Variants in EBF2 observed in about 807,000 individuals in gnomAD.
EBF2 encodes the protein transcription factor COE2.
In EBF2, 21 loss-of-function variants were observed where a neutral mutation model predicts 72.8. The ratio of observed to expected loss-of-function variants is 0.29; its 90% CI spans 0.20 to 0.42. The LOEUF (loss-of-function observed/expected upper bound fraction) is 0.42, where lower values mean the gene tolerates loss of function less well. Ranked by LOEUF, EBF2 falls within the 10% of genes least tolerant of loss-of-function variation. EBF2 has a pLI of 1.00. For synonymous variants in EBF2, 299 were observed against 274.2 expected (o/e 1.09, Z -0.89); for missense variants, 637 against 731.2 (o/e 0.87, Z 1.49).
rs199569844 is a variant in EBF2, at chr8:25,850,754, T to C, written c.1536A>G (p.Ser512=). ...TGGAAGACCCAACGGTGGGACTTGA[T>C]GACATGACTGGAAAGCAAATGCACA... ...SPTGSPYGIM[S]SSPTVGSSST... is the part of the protein sequence containing the mutation. The change falls in exon 15 of 16, where the codon TCA becomes TCG. Residue 512 remains serine (S), a synonymous_variant. Coordinates refer to ENST00000520164, the MANE Select transcript of EBF2 (RefSeq NM_022659.4). 9.5e-4 allele frequency: 1,477 copies of C among 1,557,482 alleles called. 6 individuals carry two copies. The highest frequency in any genetic ancestry group is 7.4e-4 in the Non-Finnish European group (857 of 1,159,760).
At chr8:26,031,762 T>G (rs1805410271) in intron 6 of EBF2, 1 of 152,158 alleles carries the variant, frequency 6.6e-6, no homozygotes, top group South Asian at 2.1e-4. Context: ...TGTGTTCTAA[T>G]GCCAGCTCTG....
chr8:26,016,867 G>C (rs886205048), intron 6 of EBF2, among the ~76,000 whole-genome samples: 29 of 152,216 alleles, frequency 1.9e-4, no homozygotes, highest in Non-Finnish European at 5.9e-5. Context: ...ATGAGTTTTA[G>C]ACAAGATGTC....
intron 6 of EBF2, among the ~76,000 whole-genome samples, chr8:26,013,181 A>G (rs190535988): frequency 1.3e-5 from 2 of 152,328 alleles, no homozygotes; most frequent in East Asian, 3.9e-4. Flanking sequence ...TGAAATATAC[A>G]GTTCCAGTTA....
chr8:25,987,993 A>T (rs1373082307), intron 6 of EBF2, among the ~76,000 whole-genome samples: 2 of 152,186 alleles, frequency 1.3e-5, no homozygotes, highest in Non-Finnish European at 2.9e-5. Context: ...TTTTCATAAC[A>T]TAGGTGCATT....
intron 6 of EBF2, among the ~76,000 whole-genome samples, chr8:25,997,782 A>G (rs1437480683): frequency 6.6e-6 from 1 of 152,136 alleles, no homozygotes; most frequent in Non-Finnish European, 1.5e-5. Flanking sequence ...CTATGGGGCA[A>G]TCCCATAGAA....
chr8:25,858,637 C>T (rs971572824), intron 13 of EBF2, 133 bp from the exon 14 acceptor site: 6 of 484,042 alleles, frequency 1.2e-5, no homozygotes, highest in East Asian at 4.0e-5. Context: ...AGGAAGTGTG[C>T]AGTCCATCTT....
At chr8:25,848,901 T>TG (rs1364093661) in intron 15 of EBF2, among the ~76,000 whole-genome samples, 1 of 152,122 alleles carries the variant, frequency 6.6e-6, no homozygotes, top group African/African-American at 2.4e-5. Flanking sequence ...ACATCAACAC[T>TG]GAAGAGGTCA....
chr8:25,953,524 C>T (rs79363941), intron 6 of EBF2, among the ~76,000 whole-genome samples: 6,295 of 152,246 alleles, frequency 0.041, 194 homozygotes, highest in Middle Eastern at 0.12. Context: ...GTGGTGGAAC[C>T]CATTTCCATT....
At chr8:25,871,191 T>A (rs1348652100) in intron 10 of EBF2, among the ~76,000 whole-genome samples, 2 of 152,038 alleles carry the variant, frequency 1.3e-5, no homozygotes, top group African/African-American at 4.8e-5. Flanking sequence ...TCCCTGGGCG[T>A]TCTCTGGCTT....
At chr8:25,921,323 T>C (rs1803303200) in intron 6 of EBF2, among the ~76,000 whole-genome samples, 1 of 152,202 alleles carries the variant, frequency 6.6e-6, no homozygotes, top group Non-Finnish European at 1.5e-5. Flanking sequence ...CTTTCTTTTT[T>C]TTTCCTTAAA....
At chr8:25,981,566 G>A (rs541993015) in intron 6 of EBF2, among the ~76,000 whole-genome samples, 34 of 152,194 alleles carry the variant, frequency 2.2e-4, no homozygotes, top group African/African-American at 7.7e-4. Context: ...TTGGGAAACC[G>A]AGGTGGATCA....
At chr8:26,041,310 C>T (rs558726588) in intron 2 of EBF2, 1 of 434,750 alleles carries the variant, frequency 2.3e-6, no homozygotes, top group African/African-American at 2.0e-5. Flanking sequence ...TAAACAGGCA[C>T]CACCCAACCC....
intron 6 of EBF2, among the ~76,000 whole-genome samples, chr8:25,944,158 T>C (rs565094709): frequency 6.6e-5 from 10 of 152,316 alleles, no homozygotes; most frequent in South Asian, 4.1e-4. Flanking sequence ...AGAAAAAGCA[T>C]AGGGCAGGGT....
intron 6 of EBF2, among the ~76,000 whole-genome samples, chr8:25,956,110 C>A (rs960648449): frequency 2.0e-5 from 3 of 151,468 alleles, no homozygotes; most frequent in Non-Finnish European, 4.4e-5. Context: ...GGAGGGAGAG[C>A]ATTATTCCTT....
At chr8:25,888,247 C>T (rs572791368) in intron 8 of EBF2, among the ~76,000 whole-genome samples, 2 of 152,230 alleles carry the variant, frequency 1.3e-5, no homozygotes, top group African/African-American at 2.4e-5. Context: ...GCTGGACACC[C>T]GTATTTGGTT....
At chr8:26,037,880 AAC>A (rs1805529925) in intron 5 of EBF2, among the ~76,000 whole-genome samples, 1 of 152,234 alleles carries the variant, frequency 6.6e-6, no homozygotes, top group Non-Finnish European at 1.5e-5. Flanking sequence ...TTCAAAGCTA[AAC>A]ACAGATTTAT....
chr8:25,976,271 T>G (rs1804265887), intron 6 of EBF2, among the ~76,000 whole-genome samples: 1 of 152,238 alleles, frequency 6.6e-6, no homozygotes, highest in Non-Finnish European at 1.5e-5. Flanking sequence ...TTTTTCCATG[T>G]TCTTTCACAT....
At chr8:25,912,045 A>G (rs1803138141) in intron 6 of EBF2, among the ~76,000 whole-genome samples, 1 of 152,142 alleles carries the variant, frequency 6.6e-6, no homozygotes, top group Non-Finnish European at 1.5e-5. Context: ...ACCTCTAACA[A>G]TCCTGCACGG....
At chr8:25,934,343 C>G (rs142280296) in intron 6 of EBF2, among the ~76,000 whole-genome samples, 1 of 151,870 alleles carries the variant, frequency 6.6e-6, no homozygotes, top group African/African-American at 2.4e-5. Flanking sequence ...TTTAGAAAGA[C>G]GGATTTCCCT....
Sources: allele counts gnomAD v4.1 joint callset (sites outside exome capture counted in the v4.1 genomes callset), GRCh38; gene constraint gnomAD v4.1.1; transcripts MANE v1.5; gene names NCBI Gene and HGNC (gene_info 2026-07-23, HGNC 2026-07-21).